The following COL5A2 variants were observed in gnomAD, a reference collection of about 807,000 sequenced individuals.
The protein encoded by COL5A2 is collagen alpha-2(V) chain.
COL5A2 carries 23 observed loss-of-function variants against 208.2 expected under a neutral mutation model. The observed-to-expected ratio is 0.11, with a 90% CI of 0.08 to 0.16. The LOEUF is 0.16. Ranked by LOEUF, COL5A2 falls within the 10% of genes least tolerant of loss-of-function variation. The pLI, the probability that COL5A2 is intolerant of heterozygous loss-of-function variation, is 1.00. For missense variants in COL5A2, 1,590 were observed against 1,956.4 expected, an observed-to-expected ratio of 0.81 and a Z score of 3.53; for synonymous variants, 625 against 628.5, an observed-to-expected ratio of 0.99 and a Z score of 0.08.
At chr2:189,211,547 A>G (rs764687520) in intron 1 of COL5A2, among the ~76,000 whole-genome samples, 2 of 152,130 alleles carry the variant, frequency 1.3e-5, no homozygotes, top group African/African-American at 4.8e-5. Context: ...TAAGGCAGAG[A>G]CTCCAGTAGA....
intron 1 of COL5A2, 36 bp from the exon 2 acceptor site, chr2:189,110,485 G>A: frequency 6.3e-7 from 1 of 1,575,002 alleles, no homozygotes; most frequent in Middle Eastern, 1.7e-4. Flanking sequence ...TTAGTAATCT[G>A]AAATTATAGA....
At chr2:189,099,677 C>T (rs1576526556) in intron 4 of COL5A2, among the ~76,000 whole-genome samples, 1 of 152,044 alleles carries the variant, frequency 6.6e-6, no homozygotes, top group Non-Finnish European at 1.5e-5. Flanking sequence ...AGTTGAAGAG[C>T]TTTAATCCTG....
intron 1 of COL5A2, among the ~76,000 whole-genome samples, chr2:189,158,754 C>A (rs1688303487): frequency 6.6e-6 from 1 of 152,060 alleles, no homozygotes; most frequent in Non-Finnish European, 1.5e-5. Context: ...TCTCTGAAAT[C>A]TTTCACTCAT....
intron 1 of COL5A2, among the ~76,000 whole-genome samples, chr2:189,217,658 T>C (rs1689296341): frequency 6.6e-6 from 1 of 152,142 alleles, no homozygotes; most frequent in South Asian, 2.1e-4. Context: ...GATAAGAAAG[T>C]CTAGCAGAGG....
At chr2:189,150,923 G>A (rs1688129636) in intron 1 of COL5A2, among the ~76,000 whole-genome samples, 1 of 152,158 alleles carries the variant, frequency 6.6e-6, no homozygotes, top group South Asian at 2.1e-4. Flanking sequence ...TGTATTCTCA[G>A]TTAGGTCAAA....
the COL5A2 span, among the ~76,000 whole-genome samples, chr2:189,415,914 C>T: frequency 6.6e-6 from 1 of 152,222 alleles, no homozygotes; most frequent in Admixed American, 6.5e-5. Flanking sequence ...CCCACTTTGG[C>T]CTCCCAAAGT....
intron 18 of COL5A2, among the ~76,000 whole-genome samples, chr2:189,069,555 A>C (rs1686225380): frequency 1.3e-5 from 2 of 152,190 alleles, no homozygotes; most frequent in African/African-American, 4.8e-5. Flanking sequence ...TTTCAAGTCT[A>C]AAAATTTACT....
chr2:189,225,478 A>C (rs1689402840), upstream of COL5A2, among the ~76,000 whole-genome samples: 1 of 152,176 alleles, frequency 6.6e-6, no homozygotes, highest in Non-Finnish European at 1.5e-5. Flanking sequence ...TATTTTTCAC[A>C]GTCAGACTCT....
At chr2:189,225,376 C>G (rs1385550195), upstream of COL5A2, among the ~76,000 whole-genome samples, 1 of 152,030 alleles carries the variant, frequency 6.6e-6, no homozygotes, top group Non-Finnish European at 1.5e-5. Flanking sequence ...TCAAACTGAC[C>G]CAGATGGACT....
In COL5A2 at chr2:189,035,090, T is replaced by G. The variant is rs200888890; in HGVS notation, c.4179A>C (p.Leu1393Phe). ...TGATGTTCTGGGAGGCTTCTTTTGATAAAAGGCGCAAAAAAGTCATCTGAG... is the reference window on the plus strand; with the variant it reads ...TGATGTTCTGGGAGGCTTCTTTTGAGAAAAGGCGCAAAAAAGTCATCTGAG... ...AITQMTFLRL[L>F]SKEASQNITY... Residue 1393 changes from leucine (L) to phenylalanine (F), a missense_variant, in exon 53 of 54, where the codon TTA (leucine) becomes TTC (phenylalanine). Physicochemically the swap from Leu to Phe is conservative, Grantham distance 22. Coordinates refer to ENST00000374866, the MANE Select transcript of COL5A2 (RefSeq NM_000393.5). The G allele has an allele frequency of 5.0e-6, 8 of 1,613,886 alleles. No homozygotes were observed. The Admixed American group carries it at 5.0e-5, about 10-fold the overall frequency.
chr2:189,396,606 G>A, the COL5A2 span, among the ~76,000 whole-genome samples: 39 of 150,724 alleles, frequency 2.6e-4, no homozygotes, highest in Non-Finnish European at 3.8e-4. Flanking sequence ...CCCGGGAGGC[G>A]GAGCTTGCAG....
chr2:189,145,091 G>A (rs574236226), intron 1 of COL5A2, among the ~76,000 whole-genome samples: 1 of 152,218 alleles, frequency 6.6e-6, no homozygotes, highest in African/African-American at 2.4e-5. Context: ...ATTCCTATAT[G>A]TATGAAACAG....
the COL5A2 span, among the ~76,000 whole-genome samples, chr2:189,413,710 T>A: frequency 7.5e-5 from 11 of 147,536 alleles, no homozygotes; most frequent in Admixed American, 4.8e-4. Flanking sequence ...AAAGTAACAA[T>A]CCCAGCATTG....
intron 1 of COL5A2, among the ~76,000 whole-genome samples, chr2:189,219,012 A>G (rs1689313652): frequency 6.6e-6 from 1 of 152,120 alleles, no homozygotes; most frequent in Admixed American, 6.6e-5. Flanking sequence ...ACTGTATCTG[A>G]TTTACCTTAC....
At chr2:189,217,646 T>A (rs1238079448) in intron 1 of COL5A2, among the ~76,000 whole-genome samples, 6 of 152,162 alleles carry the variant, frequency 3.9e-5, no homozygotes, top group Non-Finnish European at 5.9e-5. Context: ...AGGGCTAAGC[T>A]TGATAAGAAA....
rs141075174 is a variant in COL5A2 at position 189,043,338 on chromosome 2, A to G, written c.3364-80T>C. 601 of 964,668 alleles carry G rather than the reference A, an allele frequency of 6.2e-4. 7 individuals carry two copies. The East Asian group carries it at 0.011, about 17-fold the overall frequency. The allele number at this position is 964,668 out of a possible 1,614,324, so 59.8% of individuals were successfully genotyped here. ...AAAATTTACTAAAATTTTACTTTTT[A>G]TAATTGTATTTACTACAATTTTGAA... On this transcript the variant is annotated intron_variant, in intron 47 of 53. Coordinates refer to ENST00000374866, the MANE Select transcript of COL5A2 (RefSeq NM_000393.5).
rs187282551 is a variant in COL5A2, at chr2:189,089,502, T to C, written c.568-730A>G. Among the ~76,000 whole-genome samples the C allele has an allele frequency of 2.6e-5, 4 of 152,324 alleles. No homozygotes were observed. In the East Asian group the frequency reaches 7.7e-4, roughly 29 times the overall value. ...TGTTGAGAAAAATGTGTATGAACTT[T>C]TGTAAAGCAAAAATCATATTCAGGC... On this transcript the variant is annotated intron_variant, in intron 7 of 53. Transcript: ENST00000374866.
At chr2:189,190,510 TA>T (rs1688910094) in intron 1 of COL5A2, among the ~76,000 whole-genome samples, 1 of 152,244 alleles carries the variant, frequency 6.6e-6, no homozygotes, top group Admixed American at 6.5e-5. Flanking sequence ...CATTTATTTG[TA>T]AAAAGAGTTA....
At chr2:189,276,404 C>T in the COL5A2 span, among the ~76,000 whole-genome samples, 1 of 152,100 alleles carries the variant, frequency 6.6e-6, no homozygotes, top group Non-Finnish European at 1.5e-5. Context: ...ATGTCTTAGA[C>T]CCTGTTGCTC....
Sources: allele counts gnomAD v4.1 joint callset (sites outside exome capture counted in the v4.1 genomes callset), GRCh38; gene constraint gnomAD v4.1.1; transcripts MANE v1.5; gene names NCBI Gene and HGNC (gene_info 2026-07-23, HGNC 2026-07-21).